Variants in CDK13 observed in about 807,000 individuals in gnomAD.
The protein encoded by CDK13 is cyclin-dependent kinase 13.
Under a neutral mutation model 137.6 loss-of-function variants are expected in CDK13, and 40 were observed. The ratio of observed to expected loss-of-function variants is 0.29; its 90% CI spans 0.23 to 0.38. The LOEUF is 0.38. Among genes scored for constraint, CDK13 ranks in the 10% least tolerant of loss-of-function variants. The pLI is 1.00. For synonymous variants in CDK13, 869 were observed against 760.1 expected, an observed-to-expected ratio of 1.14 and a Z score of -2.36; for missense variants, 1,704 against 1,951.8, an observed-to-expected ratio of 0.87 and a Z score of 2.39.
chr7:40,027,463 C>A (rs1419696344), intron 5 of CDK13, among the ~76,000 whole-genome samples: 4 of 152,158 alleles, frequency 2.6e-5, no homozygotes, highest in Non-Finnish European at 4.4e-5. Flanking sequence ...ACACTCACAG[C>A]ATATTTTATC....
intron 2 of CDK13, among the ~76,000 whole-genome samples, chr7:39,995,268 G>A (rs1299073892): frequency 3.3e-5 from 5 of 152,220 alleles, no homozygotes; most frequent in Admixed American, 3.3e-4. Context: ...AGTCTTTTAA[G>A]TTTTAAATTA....
At chr7:39,988,555 TTGA>T (rs1354059723) in intron 2 of CDK13, among the ~76,000 whole-genome samples, 1 of 152,202 alleles carries the variant, frequency 6.6e-6, no homozygotes, top group Non-Finnish European at 1.5e-5. Context: ...TTAGTTTTCC[TTGA>T]TGATGTAATC....
intron 9 of CDK13, among the ~76,000 whole-genome samples, chr7:40,077,291 T>C (rs973157103): frequency 2.6e-5 from 4 of 152,200 alleles, no homozygotes; most frequent in African/African-American, 7.2e-5. Flanking sequence ...TCTGCTATTA[T>C]TGTAGACTGC....
At chr7:39,960,693 G>A (rs940564288) in intron 1 of CDK13, among the ~76,000 whole-genome samples, 1 of 152,078 alleles carries the variant, frequency 6.6e-6, no homozygotes. Context: ...TTCAGCTTTA[G>A]CCTCCTGAGT....
At chr7:39,991,577 T>C (rs1784456211) in intron 2 of CDK13, among the ~76,000 whole-genome samples, 1 of 151,952 alleles carries the variant, frequency 6.6e-6, no homozygotes, top group Admixed American at 6.6e-5. Flanking sequence ...TTTTGCTGTT[T>C]TATTATATGT....
chr7:40,029,310 C>T (rs73129808), intron 5 of CDK13, among the ~76,000 whole-genome samples: 32,475 of 151,576 alleles, frequency 0.21, 4,020 homozygotes, highest in Non-Finnish European at 0.27. Flanking sequence ...CGCCTGTAGC[C>T]CCAGCTACTT....
chr7:40,078,238 G>A, intron 10 of CDK13, 117 bp downstream of exon 10: 1 of 488,994 alleles, frequency 2.0e-6, no homozygotes, highest in South Asian at 4.4e-5. Flanking sequence ...TTCTTCTAGG[G>A]CATTTAATTT....
chr7:39,981,086 G>C (rs554136703), intron 1 of CDK13, among the ~76,000 whole-genome samples: 2 of 152,258 alleles, frequency 1.3e-5, no homozygotes, highest in East Asian at 3.9e-4. Flanking sequence ...TTTTTAGAAA[G>C]AAAAATCTTG....
At chr7:40,018,851 A>G (rs967372316) in intron 5 of CDK13, among the ~76,000 whole-genome samples, 2 of 152,164 alleles carry the variant, frequency 1.3e-5, no homozygotes, top group Admixed American at 6.5e-5. Flanking sequence ...CATCCATGTA[A>G]CCAAAAACCA....
At chr7:40,029,031 T>C (rs561058563) in intron 5 of CDK13, among the ~76,000 whole-genome samples, 18 of 152,122 alleles carry the variant, frequency 1.2e-4, no homozygotes, top group African/African-American at 4.1e-4. Flanking sequence ...GGTTCACTTA[T>C]ATGCAGATTT....
intron 9 of CDK13, 27 bp from the exon 10 acceptor site, chr7:40,077,978 A>G (rs368409400): frequency 2.0e-6 from 2 of 1,020,636 alleles, no homozygotes; most frequent in South Asian, 3.4e-5. Flanking sequence ...GTTGATAGTG[A>G]TGTACTTCCT....
rs1784435043 is a variant in CDK13, at chr7:39,990,516, G to A, written c.1871+2258G>A. On this transcript the variant is annotated intron_variant, in intron 2 of 13. Transcript: ENST00000181839. ...AGTTTTTAGGTGATTAAATAAAAAT[G>A]TATTGTAAAAAGAAATGGTTAGAAG... is the stretch of plus-strand genomic sequence containing the variant. Among the ~76,000 whole-genome samples, 3 of 152,260 alleles carry A rather than the reference G, an allele frequency of 2.0e-5. No individual in the cohort carries two copies. The South Asian group carries it at 6.2e-4, about 32-fold the overall frequency.
At chr7:40,056,929 GAGA>G (rs1230545361) in intron 7 of CDK13, among the ~76,000 whole-genome samples, 1 of 152,214 alleles carries the variant, frequency 6.6e-6, no homozygotes, top group Non-Finnish European at 1.5e-5. Flanking sequence ...CTTAAAGAAT[GAGA>G]AGTTTATATA....
chr7:40,046,036 G>T lies in CDK13; in HGVS notation c.2543+11G>T. On this transcript the variant is annotated intron_variant, in intron 6 of 13. Coordinates refer to ENST00000181839, the MANE Select transcript of CDK13 (RefSeq NM_003718.5). Reference sequence around the variant, plus strand: ...CCTTCTAAATAATAGGTATGGGTATGAACTTTATATATATTTAAAATGAGT... The same window carrying T: ...CCTTCTAAATAATAGGTATGGGTATTAACTTTATATATATTTAAAATGAGT... 2.8e-6 allele frequency: 4 copies of T among 1,427,798 alleles called. No individual in the cohort carries two copies. In the South Asian group the frequency reaches 3.6e-5, roughly 13 times the overall value. The allele number at this position is 1,427,798 out of a possible 1,614,324, so 88.4% of individuals were successfully genotyped here. A position where few individuals can be genotyped will look rare whatever the true frequency, so the allele number is the denominator to read the frequency against.
At chr7:39,990,368 G>A (rs530933448) in intron 2 of CDK13, among the ~76,000 whole-genome samples, 52 of 152,068 alleles carry the variant, frequency 3.4e-4, no homozygotes, top group African/African-American at 1.2e-3. Flanking sequence ...CTACATGTCT[G>A]TGTGGCCAAA....
intron 7 of CDK13, among the ~76,000 whole-genome samples, chr7:40,054,845 G>A (rs935312582): frequency 2.6e-5 from 4 of 152,170 alleles, no homozygotes; most frequent in African/African-American, 9.7e-5. Context: ...AATAGTGTCT[G>A]CCTTCTTTTA....
At chr7:40,071,965 C>G (rs552247287) in intron 9 of CDK13, 3 of 152,250 alleles carry the variant, frequency 2.0e-5, no homozygotes, top group African/African-American at 7.2e-5. Flanking sequence ...GCAGCTGCCT[C>G]AGTTCGCAAG....
At chr7:39,954,030 A>G (rs985425313) in intron 1 of CDK13, among the ~76,000 whole-genome samples, 5 of 152,366 alleles carry the variant, frequency 3.3e-5, no homozygotes, top group East Asian at 1.9e-4. Flanking sequence ...GAATTATTCA[A>G]TATCCCAAAT....
intron 7 of CDK13, 95 bp downstream of exon 7, chr7:40,047,972 A>G: frequency 1.3e-6 from 1 of 795,838 alleles, no homozygotes; most frequent in Non-Finnish European, 2.1e-6. Context: ...TTTTTAAAAG[A>G]GAAGTTTACT....
Sources: allele counts gnomAD v4.1 joint callset (sites outside exome capture counted in the v4.1 genomes callset), GRCh38; gene constraint gnomAD v4.1.1; transcripts MANE v1.5; gene names NCBI Gene and HGNC (gene_info 2026-07-23, HGNC 2026-07-21).